The following RGS7 variants were observed in gnomAD, a reference collection of about 807,000 sequenced individuals.
RGS7 encodes regulator of G protein signaling 7.
A neutral mutation model predicts 81.1 loss-of-function variants in RGS7; 27 were observed. That is an observed-to-expected ratio of 0.33 (90% CI 0.25 to 0.46). RGS7 has a LOEUF of 0.46. RGS7 is among the 20% of genes least tolerant of loss of function. The pLI is 1.00. For synonymous variants in RGS7, 208 were observed against 207.7 expected, an observed-to-expected ratio of 1.00 and a Z score of -0.01; for missense variants, 396 against 607.4, an observed-to-expected ratio of 0.65 and a Z score of 3.66.
At chr1:241,130,389 TGATG>T (rs370390328) in intron 2 of RGS7, among the ~76,000 whole-genome samples, 128 of 151,860 alleles carry the variant, frequency 8.4e-4, no homozygotes, top group African/African-American at 2.9e-3. Context: ...TTTAACTGTA[TGATG>T]GACCATTGTT....
intron 2 of RGS7, among the ~76,000 whole-genome samples, chr1:241,147,325 G>A (rs373219202): frequency 1.3e-5 from 2 of 152,140 alleles, no homozygotes; most frequent in African/African-American, 4.8e-5. Context: ...CATTCCTTAT[G>A]CACCTAAACT....
chr1:241,265,507 T>C (rs1311176176), intron 2 of RGS7, among the ~76,000 whole-genome samples: 1 of 152,130 alleles, frequency 6.6e-6, no homozygotes, highest in Non-Finnish European at 1.5e-5. Flanking sequence ...GAGGCAGTCT[T>C]ATGAGATCCA....
At chr1:241,270,572 G>A (rs1288100423) in intron 2 of RGS7, among the ~76,000 whole-genome samples, 1 of 152,048 alleles carries the variant, frequency 6.6e-6, no homozygotes, top group Non-Finnish European at 1.5e-5. Context: ...TGATGTCCTT[G>A]GAAATTGTAC....
chr1:241,354,461 G>A (rs1485179298), intron 2 of RGS7, among the ~76,000 whole-genome samples: 1 of 152,186 alleles, frequency 6.6e-6, no homozygotes. Context: ...TAGGTACACA[G>A]TATAGTACTG....
At chr1:241,341,524 T>C (rs187119009) in intron 2 of RGS7, among the ~76,000 whole-genome samples, 3 of 150,460 alleles carry the variant, frequency 2.0e-5, no homozygotes, top group Admixed American at 1.3e-4. Context: ...ACTATTAGGA[T>C]TGAAAATGAT....
intron 4 of RGS7, among the ~76,000 whole-genome samples, chr1:240,969,630 A>C (rs1682879865): frequency 2.0e-5 from 3 of 152,238 alleles, no homozygotes; most frequent in Admixed American, 2.0e-4. Context: ...TTAAAAAACC[A>C]ATCAGATAAA....
intron 3 of RGS7, among the ~76,000 whole-genome samples, chr1:241,030,041 G>A (rs2059987619): frequency 6.6e-6 from 1 of 152,116 alleles, no homozygotes. Context: ...TTCCGTGTTT[G>A]CTCAAGATTA....
intron 2 of RGS7, among the ~76,000 whole-genome samples, chr1:241,157,487 G>A (rs919377182): frequency 3.3e-5 from 5 of 152,302 alleles, no homozygotes; most frequent in East Asian, 3.9e-4. Context: ...CTGCTGGTGT[G>A]AGAATCATTG....
intron 9 of RGS7, among the ~76,000 whole-genome samples, chr1:240,851,071 G>C (rs2125656): frequency 1.3e-5 from 2 of 152,102 alleles, no homozygotes; most frequent in African/African-American, 4.8e-5. Context: ...GTTGATTTTC[G>C]ATGTAGACAA....
At chr1:241,127,579 T>G (rs10926417) in intron 2 of RGS7, among the ~76,000 whole-genome samples, 48,665 of 151,654 alleles carry the variant, frequency 0.32, 10,069 homozygotes, top group African/African-American at 0.6. Flanking sequence ...CGTTAGGAGA[T>G]ATACCTAATG....
chr1:240,812,233 A>G (rs1689975284), intron 13 of RGS7, among the ~76,000 whole-genome samples, 190 bp from the exon 14 acceptor site: 1 of 152,104 alleles, frequency 6.6e-6, no homozygotes, highest in African/African-American at 2.4e-5. Context: ...ATAAAGTCTA[A>G]CATTTATTGA....
chr1:241,154,898 T>TA (rs1558135536), intron 2 of RGS7, among the ~76,000 whole-genome samples: 1 of 151,258 alleles, frequency 6.6e-6, no homozygotes, highest in East Asian at 2.0e-4. Flanking sequence ...TGCAAAAAAA[T>TA]AAAAAATAAA....
At chr1:241,150,527 G>A (rs897943040) in intron 2 of RGS7, among the ~76,000 whole-genome samples, 1 of 152,140 alleles carries the variant, frequency 6.6e-6, no homozygotes, top group African/African-American at 2.4e-5. Context: ...TTAAAATAAG[G>A]CTTATTTGGA....
Position 241,064,423 on chromosome 1 carries a change from C to CAAA in RGS7, c.175+34240_175+34242dup, listed in dbSNP as rs557864611. Among the ~76,000 whole-genome samples, 187 of 95,216 alleles carry CAAA rather than the reference C, an allele frequency of 2.0e-3. 1 individual carries two copies. The highest frequency in any genetic ancestry group is 6.6e-3 in the African/African-American group (161 of 24,386). The allele number at this position is 95,216 out of a possible 152,430, so 62.5% of individuals were successfully genotyped here. A position where few individuals can be genotyped will look rare whatever the true frequency, so the allele number is the denominator to read the frequency against. Reference sequence around the variant, plus strand: ...CAAGATAGAGAGACCCAGTCTCTACCAAAAAAAAAAAAAAAAAAATCAGCC... The same window carrying CAAA: ...CAAGATAGAGAGACCCAGTCTCTACCAAAAAAAAAAAAAAAAAAAAAATCAGCC... On this transcript the variant is annotated intron_variant, in intron 3 of 18. Coordinates refer to ENST00000440928, the MANE Select transcript of RGS7 (RefSeq NM_001364886.1).
intron 6 of RGS7, among the ~76,000 whole-genome samples, chr1:240,905,552 T>C (rs390488): frequency 0.66 from 99,911 of 152,086 alleles, 33,243 homozygotes; most frequent in African/African-American, 0.73. Context: ...CACAAGGTGT[T>C]GACTATTAAT....
At chr1:241,343,021 C>T (rs986591133) in intron 2 of RGS7, among the ~76,000 whole-genome samples, 3 of 151,946 alleles carry the variant, frequency 2.0e-5, no homozygotes, top group Non-Finnish European at 4.4e-5. Flanking sequence ...TCAGCACTTT[C>T]GGAGGCAGAG....
At chr1:241,014,572 C>T (rs1451187721) in intron 3 of RGS7, among the ~76,000 whole-genome samples, 2 of 152,198 alleles carry the variant, frequency 1.3e-5, no homozygotes, top group African/African-American at 4.8e-5. Flanking sequence ...AATGATGTCA[C>T]AGGACTGTTG....
At chr1:240,872,046 G>T (rs1023833290) in intron 6 of RGS7, among the ~76,000 whole-genome samples, 20 of 152,082 alleles carry the variant, frequency 1.3e-4, no homozygotes, top group Non-Finnish European at 2.2e-4. Flanking sequence ...TTTTTTACAT[G>T]ACTGCTCACA....
chr1:240,923,972 T>A (rs1470286022), intron 6 of RGS7, among the ~76,000 whole-genome samples: 1 of 152,130 alleles, frequency 6.6e-6, no homozygotes, highest in Non-Finnish European at 1.5e-5. Context: ...AGGCTATTAA[T>A]TTGGTTTTAT....
Sources: gnomAD v4.1 joint callset for allele counts (sites outside exome capture counted in the v4.1 genomes callset) on GRCh38, gnomAD v4.1.1 for gene constraint, MANE v1.5 for transcripts, NCBI Gene and HGNC (gene_info 2026-07-23, HGNC 2026-07-21) for gene names.